Variants in CA10 observed in about 807,000 individuals in gnomAD.
CA10 encodes the protein carbonic anhydrase-related protein 10.
In CA10, 14 loss-of-function variants were observed where a neutral mutation model predicts 44.2. The ratio of observed to expected loss-of-function variants is 0.32; its 90% CI spans 0.21 to 0.50. The LOEUF (loss-of-function observed/expected upper bound fraction) is 0.50. CA10 is among the 20% of genes least tolerant of loss of function. The probability of loss-of-function intolerance (pLI) is 0.99; values close to 1 mark genes in which losing one functional copy is unlikely to be tolerated. For missense variants in CA10, 350 were observed against 409.7 expected, an observed-to-expected ratio of 0.85 and a Z score of 1.26; for synonymous variants, 159 against 141.6, an observed-to-expected ratio of 1.12 and a Z score of -0.87.
chr17:51,731,653 T>TAAAAA lies in CA10; in HGVS notation c.465+15975_465+15979dup, dbSNP rs371165542. 7.5e-4 allele frequency among the ~76,000 whole-genome samples: 82 copies of TAAAAA among 109,156 alleles called. 1 individual carries two copies. The highest frequency in any genetic ancestry group is 3.7e-3 in the Admixed American group (33 of 8,950). 71.6% of individuals were successfully genotyped at this position (109,156 alleles called of 152,430 possible). A position where few individuals can be genotyped will look rare whatever the true frequency, so the allele number is the denominator to read the frequency against. On this transcript the variant is annotated intron_variant, in intron 4 of 8. Coordinates refer to ENST00000451037, the MANE Select transcript of CA10 (RefSeq NM_020178.5). ...AAAAGACACAGAGGAAAGGGGCTGGTAAAAAAAAAAAAAAAAAAAAGATTT... is the reference window on the plus strand; with the variant it reads ...AAAAGACACAGAGGAAAGGGGCTGGTAAAAAAAAAAAAAAAAAAAAAAAAAGATTT...
At chr17:51,721,446 T>C (rs1188281767) in intron 4 of CA10, among the ~76,000 whole-genome samples, 1 of 152,054 alleles carries the variant, frequency 6.6e-6, no homozygotes, top group East Asian at 2.0e-4. Context: ...GTGATTCTCC[T>C]GCCTCAACCT....
intron 1 of CA10, among the ~76,000 whole-genome samples, chr17:52,072,664 C>T (rs1465768399): frequency 7.1e-6 from 1 of 140,940 alleles, no homozygotes; most frequent in Non-Finnish European, 1.5e-5. Flanking sequence ...TACCTGTCCT[C>T]ATCATCTTCC....
chr17:51,868,057 A>AACAC (rs34631877), intron 3 of CA10, among the ~76,000 whole-genome samples: 6,169 of 144,874 alleles, frequency 0.043, 145 homozygotes, highest in Middle Eastern at 0.045. Context: ...AAGCAGGTGT[A>AACAC]ACACACACAC....
intron 3 of CA10, among the ~76,000 whole-genome samples, chr17:51,773,761 TC>T (rs1905701002): frequency 6.6e-6 from 1 of 152,268 alleles, no homozygotes; most frequent in Non-Finnish European, 1.5e-5. Flanking sequence ...TCCATTTGAT[TC>T]TTTTGTGCTT....
At chr17:51,786,870 G>A (rs1254700704) in intron 3 of CA10, among the ~76,000 whole-genome samples, 1 of 151,736 alleles carries the variant, frequency 6.6e-6, no homozygotes, top group Non-Finnish European at 1.5e-5. Context: ...GTTTTTTGAG[G>A]ATTTTTATCA....
At chr17:51,632,056 AC>A (rs1378739943) in intron 8 of CA10, among the ~76,000 whole-genome samples, 1 of 152,164 alleles carries the variant, frequency 6.6e-6, no homozygotes, top group Non-Finnish European at 1.5e-5. Context: ...CCAGCACAAT[AC>A]CTGTTTTTAT....
chr17:51,881,958 C>A (rs914151258), intron 3 of CA10, among the ~76,000 whole-genome samples: 1 of 151,352 alleles, frequency 6.6e-6, no homozygotes, highest in African/African-American at 2.4e-5. Flanking sequence ...AAGACACATG[C>A]GCAAAATGTT....
chr17:51,913,672 C>T (rs1201746332), intron 3 of CA10, among the ~76,000 whole-genome samples: 2 of 151,436 alleles, frequency 1.3e-5, no homozygotes, highest in African/African-American at 2.4e-5. Flanking sequence ...CCGCACCTCC[C>T]CAAGCACCAG....
chr17:52,124,796 G>A (rs1489982515), intron 1 of CA10, among the ~76,000 whole-genome samples: 1 of 152,144 alleles, frequency 6.6e-6, no homozygotes, highest in African/African-American at 2.4e-5. Context: ...TGTTAAGTAT[G>A]ACTTAGGAAT....
At chr17:52,061,673 C>G (rs1209956451) in intron 2 of CA10, among the ~76,000 whole-genome samples, 2 of 152,150 alleles carry the variant, frequency 1.3e-5, no homozygotes, top group Non-Finnish European at 2.9e-5. Context: ...TGGTTCCTCT[C>G]TTGCTGGCTT....
At chr17:51,695,464 T>C (rs976611518) in intron 4 of CA10, among the ~76,000 whole-genome samples, 2 of 152,188 alleles carry the variant, frequency 1.3e-5, no homozygotes, top group Admixed American at 1.3e-4. Flanking sequence ...TTGATTTGAC[T>C]CTCAGCTTGA....
chr17:51,774,203 G>A (rs1462141361), intron 3 of CA10, among the ~76,000 whole-genome samples: 1 of 152,186 alleles, frequency 6.6e-6, no homozygotes, highest in African/African-American at 2.4e-5. Flanking sequence ...AAGTTTTAAA[G>A]TTACTTTTTC....
At chr17:51,839,980 C>A (rs1375657862) in intron 3 of CA10, among the ~76,000 whole-genome samples, 1 of 152,188 alleles carries the variant, frequency 6.6e-6, no homozygotes, top group Non-Finnish European at 1.5e-5. Flanking sequence ...TACTCAACTC[C>A]TTTTACAGAT....
chr17:51,834,317 C>T (rs1908396211), intron 3 of CA10, among the ~76,000 whole-genome samples: 1 of 152,138 alleles, frequency 6.6e-6, no homozygotes, highest in Non-Finnish European at 1.5e-5. Context: ...GACTTCAATT[C>T]ATAAAGTAAC....
At chr17:51,696,312 A>G (rs1279858186) in intron 4 of CA10, among the ~76,000 whole-genome samples, 1 of 151,910 alleles carries the variant, frequency 6.6e-6, no homozygotes. Context: ...TTTTTTGGTT[A>G]TAGGTTTTAA....
At chr17:51,666,249 T>C (rs948491832) in intron 4 of CA10, among the ~76,000 whole-genome samples, 1 of 152,008 alleles carries the variant, frequency 6.6e-6, no homozygotes, top group Non-Finnish European at 1.5e-5. Flanking sequence ...TGGAAGACCA[T>C]GTGTAAGAGG....
At chr17:51,777,665 C>T (rs969655586) in intron 3 of CA10, among the ~76,000 whole-genome samples, 1 of 152,190 alleles carries the variant, frequency 6.6e-6, no homozygotes, top group Non-Finnish European at 1.5e-5. Context: ...ATTTATAGGC[C>T]AGGCGCAGGG....
intron 2 of CA10, among the ~76,000 whole-genome samples, chr17:51,951,210 A>G (rs1983468654): frequency 6.6e-6 from 1 of 152,170 alleles, no homozygotes; most frequent in Admixed American, 6.5e-5. Flanking sequence ...GCTCCAACAG[A>G]TATTGAGCCA....
intron 3 of CA10, among the ~76,000 whole-genome samples, chr17:51,881,606 A>T (rs2143888089): frequency 6.6e-6 from 1 of 152,362 alleles, no homozygotes; most frequent in East Asian, 1.9e-4. Context: ...ATAGAAAAAA[A>T]GAACGGGGAT....
Sources: gnomAD v4.1 joint callset for allele counts (sites outside exome capture counted in the v4.1 genomes callset) on GRCh38, gnomAD v4.1.1 for gene constraint, MANE v1.5 for transcripts, NCBI Gene and HGNC (gene_info 2026-07-23, HGNC 2026-07-21) for gene names.